IQSEC1: variants seen among roughly 807,000 people sequenced by gnomAD.
IQSEC1 encodes the protein IQ motif and SEC7 domain-containing protein 1.
Under a neutral mutation model 91.0 loss-of-function variants are expected in IQSEC1, and 31 were observed. That is an observed-to-expected ratio of 0.34 (90% CI 0.26 to 0.46). The LOEUF is 0.46. Ranked by LOEUF, IQSEC1 falls within the 20% of genes least tolerant of loss-of-function variation. The pLI is 1.00. For synonymous variants in IQSEC1, 699 were observed against 662.6 expected (o/e 1.05, Z -0.84); for missense variants, 1,388 against 1,575.6 (o/e 0.88, Z 2.02).
chr3:12,993,222 A>G (rs1702069329), intron 1 of IQSEC1, among the ~76,000 whole-genome samples: 1 of 152,142 alleles, frequency 6.6e-6, no homozygotes, highest in South Asian at 2.1e-4. Flanking sequence ...AAGACTGAGA[A>G]CCAGTCTCTT....
intron 13 of IQSEC1, 115 bp downstream of exon 13, chr3:12,902,656 AAC>A (rs1694458971): frequency 1.6e-5 from 8 of 511,814 alleles, no homozygotes; most frequent in East Asian, 3.7e-5. Flanking sequence ...AAAAAAAAAC[AAC>A]AAAAAAAAAA....
intron 1 of IQSEC1, among the ~76,000 whole-genome samples, chr3:13,277,401 C>T (rs918683662): frequency 1.3e-5 from 2 of 152,220 alleles, no homozygotes; most frequent in African/African-American, 2.4e-5. Flanking sequence ...ATTTCGCACA[C>T]AGTGCCACTC....
intron 1 of IQSEC1, among the ~76,000 whole-genome samples, chr3:13,242,142 C>T (rs914569859): frequency 1.3e-5 from 2 of 152,158 alleles, no homozygotes; most frequent in African/African-American, 4.8e-5. Flanking sequence ...GAGCCCCAGG[C>T]CTGGTGGGGG....
rs533013577 is a variant in IQSEC1, at chr3:12,935,155, G to T, written c.1568+293C>A. Among the ~76,000 whole-genome samples, 2 of 152,280 alleles carry T rather than the reference G, an allele frequency of 1.3e-5. No homozygotes were observed. Among genetic ancestry groups the T allele is most frequent in the South Asian group, 2.1e-4 (1 of 4,822 alleles). ...ATACCCCACTTGCTATGGCGGACTT[G>T]GGGGGGATGGGACGGAAGGGCCCGG... On this transcript the variant is annotated intron_variant, in intron 3 of 13. Coordinates refer to ENST00000613206, the MANE Select transcript of IQSEC1 (RefSeq NM_001134382.3). This position sits in a 1 kb window ranked among gnomAD's most constrained non-coding sequence, Gnocchi z 8.0.
At chr3:13,197,334 C>T (rs1031656638) in intron 1 of IQSEC1, among the ~76,000 whole-genome samples, 1 of 152,206 alleles carries the variant, frequency 6.6e-6, no homozygotes, top group Non-Finnish European at 1.5e-5. Context: ...GATGCATGGC[C>T]AGGGGCGCTG....
chr3:13,231,288 T>TGCCCACGTGTGCACACATGTGTGC (rs1694835002), intron 1 of IQSEC1, among the ~76,000 whole-genome samples: 1 of 152,242 alleles, frequency 6.6e-6, no homozygotes, highest in African/African-American at 2.4e-5. Flanking sequence ...TCTGTGTGTG[T>TGCCCACGTGTGCACACATGTGTGC]GCCCACGTGT....
intron 1 of IQSEC1, among the ~76,000 whole-genome samples, chr3:13,185,698 G>T (rs1693919343): frequency 6.6e-6 from 1 of 152,224 alleles, no homozygotes; most frequent in Non-Finnish European, 1.5e-5. Flanking sequence ...GAGGAAGGGG[G>T]TTGTCTAAGG....
Position 12,915,682 on chromosome 3 carries a change from T to G in IQSEC1, c.2072A>C (p.Glu691Ala). 1 of 1,614,124 alleles carries G rather than the reference T, an allele frequency of 6.2e-7. No homozygotes were observed. The highest frequency in any genetic ancestry group is 8.5e-7 in the Non-Finnish European group (1 of 1,179,998). Residue 691 changes from glutamate to alanine, a missense_variant, in exon 7 of 14, where the codon GAA becomes GCA. Around this residue, in one of 2 missense-constraint regions of IQSEC1, gnomAD observed 1,059 missense variants for 1,317.8 expected, o/e 0.80. Coordinates refer to ENST00000613206, the MANE Select transcript of IQSEC1 (RefSeq NM_001134382.3). ...IPREMLMGIY[E>A]RIRKRELKTN... is the part of the protein sequence containing the mutation. Reference sequence around the variant, plus strand: ...CTTTAGCTCTCGCTTACGGATCCGTTCATAGATCCCCATCAGCATCTCACG... The same window carrying G: ...CTTTAGCTCTCGCTTACGGATCCGTGCATAGATCCCCATCAGCATCTCACG...
At chr3:13,180,193 A>G (rs989551450) in intron 1 of IQSEC1, among the ~76,000 whole-genome samples, 41 of 152,220 alleles carry the variant, frequency 2.7e-4, no homozygotes, top group Admixed American at 7.2e-4. Context: ...TCTGGTGGGG[A>G]CTTGGAGAAC....
chr3:12,989,058 G>A (rs1358178009), intron 1 of IQSEC1, among the ~76,000 whole-genome samples: 1 of 152,228 alleles, frequency 6.6e-6, no homozygotes, highest in Admixed American at 6.5e-5. Context: ...CTCCTCTCTG[G>A]TCTCTTTGGA....
intron 1 of IQSEC1, among the ~76,000 whole-genome samples, chr3:12,961,595 G>A (rs1446554443): frequency 6.6e-6 from 1 of 152,026 alleles, no homozygotes; most frequent in Non-Finnish European, 1.5e-5. Flanking sequence ...CTATCTCTCT[G>A]CACCCCTCTC....
intron 1 of IQSEC1, among the ~76,000 whole-genome samples, chr3:13,279,082 C>T (rs762327959): frequency 2.0e-5 from 3 of 152,164 alleles, no homozygotes; most frequent in South Asian, 2.1e-4. Context: ...ATGCAGCCAT[C>T]GGCCCCACCC....
At position 12,955,366 on chromosome 3, in the gene IQSEC1, A is replaced by T. The variant is rs1054958351; in HGVS notation, c.24-13501T>A. 2.6e-5 allele frequency among the ~76,000 whole-genome samples: 4 copies of T among 152,238 alleles called. No homozygotes were observed. The South Asian group carries it at 8.3e-4, about 32-fold the overall frequency. On this transcript the variant is annotated intron_variant, in intron 1 of 13. Coordinates refer to ENST00000613206, the MANE Select transcript of IQSEC1 (RefSeq NM_001134382.3). Reference sequence around the variant, plus strand: ...GCCGGGCATTGGCGGAGCCTCAGAAAGGAAGCAGGGGGCAGACTGGCTCCG... The same window carrying T: ...GCCGGGCATTGGCGGAGCCTCAGAATGGAAGCAGGGGGCAGACTGGCTCCG...
rs565846448 is a variant in IQSEC1, at chr3:13,116,182, G to A, written c.302+47922C>T. ...GGGCAGTCACTCCAGTGCTGACTAG[G>A]TGCCTGTGTGCCAGGCCAGGTGCTG... On this transcript the variant is annotated intron_variant, in intron 2 of 15. Coordinates refer to the IQSEC1 transcript ENST00000648114. Among the ~76,000 whole-genome samples the A allele has an allele frequency of 2.4e-3, 372 of 152,326 alleles. 3 individuals are homozygous for A. Among genetic ancestry groups the A allele is most frequent in the African/African-American group, 8.6e-3 (356 of 41,568 alleles).
rs1345813478 is a variant in IQSEC1 at position 13,193,517 on chromosome 3, G to A, written c.273-29384C>T. Among the ~76,000 whole-genome samples, 1 of 152,152 alleles carries A rather than the reference G, an allele frequency of 6.6e-6. No homozygotes were observed. Among genetic ancestry groups the A allele is most frequent in the East Asian group, 1.9e-4 (1 of 5,194 alleles). ...TGGTGACTGGGAACAAGGCACAGAG[G>A]GGACGAAGAGGAGTGCCAGCCCAGG... On this transcript the variant is annotated intron_variant, in intron 1 of 15. Coordinates refer to the IQSEC1 transcript ENST00000648114. The surrounding 1 kb of genome is among the most constrained non-coding windows in gnomAD (Gnocchi z 4.2).
chr3:12,911,844 C>G, intron 9 of IQSEC1, 116 bp from the exon 10 acceptor site: 1 of 731,932 alleles, frequency 1.4e-6, no homozygotes, highest in South Asian at 1.5e-5. Flanking sequence ...GGGACAAGCC[C>G]ACGTGAGTGG....
chr3:13,189,941 C>T (rs1693993645), intron 1 of IQSEC1, among the ~76,000 whole-genome samples: 1 of 152,224 alleles, frequency 6.6e-6, no homozygotes, highest in Non-Finnish European at 1.5e-5. Flanking sequence ...CATGTCAGTT[C>T]CTTCCTCCCT....
At chr3:12,960,126 A>G (rs1324505701) in intron 1 of IQSEC1, among the ~76,000 whole-genome samples, 1 of 152,074 alleles carries the variant, frequency 6.6e-6, no homozygotes, top group African/African-American at 2.4e-5. Flanking sequence ...ACGGCTGGAG[A>G]GAATAGCAGT....
Position 12,935,473 on chromosome 3 carries a change from G to A in IQSEC1, c.1543C>T (p.Arg515Cys). The A allele has an allele frequency of 1.9e-6, 3 of 1,613,238 alleles. No individual in the cohort carries two copies. The highest frequency in any genetic ancestry group is 1.7e-5 in the Admixed American group (1 of 60,018). ...SNDVIRKRHY[R>C]IGLNLFNKKP... ...TTGTTGAAGAGGTTCAGGCCGATGC[G>A]GTAGTGCCTCTTGCGGATGACATCG... The change falls in exon 3 of 14, where the codon CGC becomes TGC. Residue 515 changes from arginine (R) to cysteine (C), a missense_variant. This residue lies in a region of IQSEC1 where 1,059 missense variants were observed against 1,317.8 expected (regional missense o/e 0.80). Transcript: ENST00000613206. This position sits in a 1 kb window ranked among gnomAD's most constrained non-coding sequence, Gnocchi z 8.0.
Sources: allele counts gnomAD v4.1 joint callset (sites outside exome capture counted in the v4.1 genomes callset), GRCh38; gene constraint gnomAD v4.1.1; regional missense constraint gnomAD v4.1.1; non-coding constraint Gnocchi (gnomAD v3.1); transcripts MANE v1.5; gene names NCBI Gene and HGNC (gene_info 2026-07-23, HGNC 2026-07-21).